Variants in AK8 observed in about 807,000 individuals in gnomAD.
The protein encoded by AK8 is ATP-AMP transphosphorylase 8.
A neutral mutation model predicts 54.6 loss-of-function variants in AK8; 44 were observed. The observed-to-expected ratio is 0.81, with a 90% CI of 0.63 to 1.04. AK8 has a LOEUF of 1.04. AK8 is among the 50% of genes least tolerant of loss of function. The pLI is 0.00. For missense variants in AK8, 555 were observed against 613.6 expected, an observed-to-expected ratio of 0.90 and a Z score of 1.01; for synonymous variants, 239 against 245.6, an observed-to-expected ratio of 0.97 and a Z score of 0.25.
chr9:132,801,445 C>T (rs1840454032), intron 10 of AK8, among the ~76,000 whole-genome samples: 2 of 152,152 alleles, frequency 1.3e-5, no homozygotes, highest in Admixed American at 6.5e-5. Flanking sequence ...GGAAAATGAG[C>T]AGAGGTCGGC....
Position 132,800,994 on chromosome 9 carries a change from G to A in AK8, c.980-8219C>T, listed in dbSNP as rs185217489. ...GGCTGGAGTGCAGTGGCGCGATTTC[G>A]GATCACTACAACCTCTACCTCCTGA... On this transcript the variant is annotated intron_variant, in intron 10 of 12. Coordinates refer to ENST00000298545, the MANE Select transcript of AK8 (RefSeq NM_152572.3). 1.2e-4 allele frequency among the ~76,000 whole-genome samples: 18 copies of A among 147,924 alleles called. No homozygotes were observed. The East Asian group carries it at 3.2e-3, about 26-fold the overall frequency.
intron 5 of AK8, among the ~76,000 whole-genome samples, chr9:132,834,143 G>T (rs1052162304): frequency 6.6e-6 from 1 of 152,180 alleles, no homozygotes; most frequent in Non-Finnish European, 1.5e-5. Context: ...TCTGAACCAG[G>T]GCAAGCCTCA....
intron 4 of AK8, among the ~76,000 whole-genome samples, chr9:132,859,198 G>T (rs898327856): frequency 1.3e-5 from 2 of 152,188 alleles, no homozygotes; most frequent in African/African-American, 2.4e-5. Flanking sequence ...GAAATCCTCA[G>T]AACTACTTGG....
chr9:132,760,990 A>T (rs1590208721), intron 11 of AK8, among the ~76,000 whole-genome samples: 1 of 151,966 alleles, frequency 6.6e-6, no homozygotes, highest in Admixed American at 6.6e-5. Flanking sequence ...TTGGCCTGTA[A>T]TTTTTCTTAT....
intron 11 of AK8, among the ~76,000 whole-genome samples, chr9:132,786,801 C>T (rs1044222033): frequency 6.6e-6 from 1 of 151,860 alleles, no homozygotes; most frequent in African/African-American, 2.4e-5. Flanking sequence ...CCAAGACAAA[C>T]AAAAATTCAA....
At position 132,725,920 on chromosome 9, in the gene AK8, T is replaced by C; in HGVS notation, c.1208A>G (p.His403Arg). 4 of 1,610,482 alleles carry C rather than the reference T, an allele frequency of 2.5e-6. No individual in the cohort carries two copies. The highest frequency in any genetic ancestry group is 3.4e-6 in the Non-Finnish European group (4 of 1,178,978). Residue 403 changes from histidine to arginine, a missense_variant, in exon 13 of 13, where the codon CAC (histidine) becomes CGC (arginine). Transcript: ENST00000298545. Reference protein sequence around the residue: ...RIDPVTGERYHLMYKPPPTME... With the variant: ...RIDPVTGERYRLMYKPPPTME... The stretch of plus-strand genomic sequence containing the variant: ...GGTGGGAGGTGGCTTGTACATGAGG[T>C]GGTACCTGCAAGGGAGGAAGGAAAG...
At chr9:132,817,806 G>C (rs952980128) in intron 9 of AK8, among the ~76,000 whole-genome samples, 1 of 152,178 alleles carries the variant, frequency 6.6e-6, no homozygotes, top group Admixed American at 6.5e-5. Context: ...AAAGATTTCA[G>C]AAGATAATGA....
intron 2 of AK8, among the ~76,000 whole-genome samples, chr9:132,867,203 A>T (rs1334573703): frequency 6.6e-6 from 1 of 152,114 alleles, no homozygotes. Flanking sequence ...TAACTTGTTT[A>T]CCAAACTCAT....
At chr9:132,808,422 C>G (rs920482400) in intron 10 of AK8, among the ~76,000 whole-genome samples, 2 of 152,182 alleles carry the variant, frequency 1.3e-5, no homozygotes, top group African/African-American at 2.4e-5. Flanking sequence ...AGCCTGGGAT[C>G]AAGGGACTGA....
intron 11 of AK8, among the ~76,000 whole-genome samples, chr9:132,743,886 T>C (rs1482593103): frequency 6.6e-6 from 1 of 152,180 alleles, no homozygotes; most frequent in Non-Finnish European, 1.5e-5. Context: ...GCCATCTGAA[T>C]CTAGGACACT....
intron 11 of AK8, among the ~76,000 whole-genome samples, chr9:132,750,901 T>C (rs1289615776): frequency 6.6e-6 from 1 of 151,988 alleles, no homozygotes; most frequent in East Asian, 1.9e-4. Context: ...GCCAGCCCTG[T>C]GGCTTGGCCA....
At chr9:132,749,036 G>A (rs1274555779) in intron 11 of AK8, among the ~76,000 whole-genome samples, 6 of 151,790 alleles carry the variant, frequency 4.0e-5, no homozygotes, top group Admixed American at 2.0e-4. Flanking sequence ...CACCAAGCCC[G>A]GCTAATTTTT....
chr9:132,805,241 A>G (rs1840664865), intron 10 of AK8, among the ~76,000 whole-genome samples: 1 of 152,092 alleles, frequency 6.6e-6, no homozygotes, highest in Non-Finnish European at 1.5e-5. Flanking sequence ...GACTCTGTGC[A>G]CTCCGGCTCT....
At chr9:132,764,593 C>A (rs988231061) in intron 11 of AK8, among the ~76,000 whole-genome samples, 1 of 152,114 alleles carries the variant, frequency 6.6e-6, no homozygotes, top group Admixed American at 6.5e-5. Context: ...TGGACACATA[C>A]AACCTACCAA....
In AK8 at chr9:132,855,045, G is replaced by A. The variant is rs1339005563; in HGVS notation, c.334-120C>T. ...TCTGGAAAGCACCGACCACCATCGGGCCCCGCCCTTCCTCCACCCGCTGCA... is the reference window on the plus strand; with the variant it reads ...TCTGGAAAGCACCGACCACCATCGGACCCCGCCCTTCCTCCACCCGCTGCA... On this transcript the variant is annotated intron_variant, in intron 4 of 12. Transcript: ENST00000298545. 3.0e-6 allele frequency: 3 copies of A among 991,064 alleles called. No homozygotes were observed. In the African/African-American group the frequency reaches 4.8e-5, roughly 16 times the overall value. 61.4% of individuals were successfully genotyped at this position (991,064 alleles called of 1,614,324 possible). A position where few individuals can be genotyped will look rare whatever the true frequency, so the allele number is the denominator to read the frequency against.
At chr9:132,744,998 G>A (rs577379650) in intron 11 of AK8, among the ~76,000 whole-genome samples, 10 of 152,104 alleles carry the variant, frequency 6.6e-5, no homozygotes, top group Non-Finnish European at 1.5e-4. Context: ...AGACGGGTCC[G>A]GGCTGCTGAC....
chr9:132,871,563 C>CG (rs955145444), intron 2 of AK8, among the ~76,000 whole-genome samples: 1 of 152,194 alleles, frequency 6.6e-6, no homozygotes, highest in African/African-American at 2.4e-5. Flanking sequence ...TGAGAGCATC[C>CG]GGGCAAAAAG....
chr9:132,863,866 C>T lies in AK8; in HGVS notation c.220-88G>A, dbSNP rs1843487235. 6 of 1,040,084 alleles carry T rather than the reference C, an allele frequency of 5.8e-6. No individual in the cohort carries two copies. The East Asian group carries it at 1.3e-4, about 23-fold the overall frequency. The allele number at this position is 1,040,084 out of a possible 1,614,324, so 64.4% of individuals were successfully genotyped here. On this transcript the variant is annotated intron_variant, in intron 3 of 12. Transcript: ENST00000298545. The stretch of plus-strand genomic sequence containing the variant: ...TTAAAATGCCCTGGTCCTTCCCTCT[C>T]CTATGGGAAAAGGTTGGCCATGGGG...
intron 2 of AK8, among the ~76,000 whole-genome samples, chr9:132,868,030 G>C (rs1187212072): frequency 6.6e-6 from 1 of 152,198 alleles, no homozygotes; most frequent in Non-Finnish European, 1.5e-5. Flanking sequence ...TCTTGATTGG[G>C]CCAGCTGTCC....
Sources: gnomAD v4.1 joint callset for allele counts (sites outside exome capture counted in the v4.1 genomes callset) on GRCh38, gnomAD v4.1.1 for gene constraint, MANE v1.5 for transcripts, NCBI Gene and HGNC (gene_info 2026-07-23, HGNC 2026-07-21) for gene names.